The following COL9A1 variants were observed in gnomAD, a reference collection of about 807,000 sequenced individuals.
COL9A1 encodes collagen type IX alpha 1 chain.
In COL9A1, 104 loss-of-function variants were observed where a neutral mutation model predicts 142.6. The observed-to-expected ratio is 0.73, with a 90% CI of 0.62 to 0.86. COL9A1 has a LOEUF of 0.86. Among genes scored for constraint, COL9A1 ranks in the 40% least tolerant of loss-of-function variants. The pLI is 0.00. For missense variants in COL9A1, 1,210 were observed against 1,176.6 expected (o/e 1.03, Z -0.42); for synonymous variants, 466 against 396.0 (o/e 1.18, Z -2.10).
At chr6:70,255,980 C>T (rs1771263190) in intron 21 of COL9A1, among the ~76,000 whole-genome samples, 1 of 152,192 alleles carries the variant, frequency 6.6e-6, no homozygotes, top group African/African-American at 2.4e-5. Context: ...TAAACATTCT[C>T]CATTATGTAT....
chr6:70,235,435 A>G (rs984675927), intron 33 of COL9A1, among the ~76,000 whole-genome samples: 1 of 152,110 alleles, frequency 6.6e-6, no homozygotes, highest in South Asian at 2.1e-4. Flanking sequence ...CCTGGGCAAC[A>G]TAGTAAGACT....
intron 17 of COL9A1, 88 bp from the exon 18 acceptor site, chr6:70,266,858 G>A (rs1772049406): frequency 1.9e-6 from 2 of 1,050,130 alleles, no homozygotes; most frequent in Non-Finnish European, 3.0e-6. Context: ...CCCTAAATCA[G>A]TGCCAATGTA....
chr6:70,261,275 A>G (rs1462623919), intron 19 of COL9A1, among the ~76,000 whole-genome samples: 1 of 152,034 alleles, frequency 6.6e-6, no homozygotes, highest in Non-Finnish European at 1.5e-5. Flanking sequence ...GGCAATAGGA[A>G]CCCATCTTAG....
At chr6:70,272,198 A>G (rs545212367) in intron 12 of COL9A1, 110 bp from the exon 13 acceptor site, 1 of 851,514 alleles carries the variant, frequency 1.2e-6, no homozygotes, top group Admixed American at 2.5e-5. Flanking sequence ...ACTAAAAATG[A>G]TGCTCATTCT....
chr6:70,232,035 A>C (rs1416012615), intron 36 of COL9A1, among the ~76,000 whole-genome samples: 1 of 151,866 alleles, frequency 6.6e-6, no homozygotes, highest in Non-Finnish European at 1.5e-5. Flanking sequence ...TTACATACTA[A>C]AGAAGGAATT....
At chr6:70,281,300 GAAA>G (rs34962262) in intron 8 of COL9A1, 87 bp downstream of exon 8, 55 of 1,098,582 alleles carry the variant, frequency 5.0e-5, no homozygotes, top group South Asian at 1.1e-4. Context: ...GGTCCTCTCT[GAAA>G]AAAAAAAAAA....
In COL9A1 at chr6:70,260,780, A is replaced by G. The variant is rs1771629658; in HGVS notation, c.1396-70T>C. 11 of 1,454,494 alleles carry G rather than the reference A, an allele frequency of 7.6e-6. No individual in the cohort carries two copies. The East Asian group carries it at 2.6e-4, about 34-fold the overall frequency. 90.1% of individuals were successfully genotyped at this position (1,454,494 alleles called of 1,614,324 possible). ...AGATTTTTAAAAATCTCATCACAAA[A>G]GCTGATCTAGACAATGGATATTATC... On this transcript the variant is annotated intron_variant, in intron 19 of 37. Transcript: ENST00000357250.
Position 70,281,054 on chromosome 6 carries a change from G to T in COL9A1, c.877-15C>A, listed in dbSNP as rs1423590076. 1 of 1,603,398 alleles carries T rather than the reference G, an allele frequency of 6.2e-7. No individual in the cohort carries two copies. Among genetic ancestry groups the T allele is most frequent in the East Asian group, 2.2e-5 (1 of 44,796 alleles). On this transcript the variant is annotated splice_polypyrimidine_tract_variant and intron_variant, in intron 8 of 37. Coordinates refer to ENST00000357250, the MANE Select transcript of COL9A1 (RefSeq NM_001851.6). ...CCTCGGTCACCCTGGAGGGGTAGGA[G>T]AAAAAGAGAGAGCAGTCTATGAGCG...
intron 5 of COL9A1, among the ~76,000 whole-genome samples, chr6:70,293,630 TTCACA>T (rs1773734222): frequency 0.011 from 834 of 74,210 alleles, 10 homozygotes; most frequent in African/African-American, 0.04. Context: ...CTCTCTCTCT[TTCACA>T]CACACACACA....
intron 10 of COL9A1, chr6:70,279,797 A>G: frequency 2.2e-6 from 1 of 451,566 alleles, no homozygotes. Context: ...TTTTCTTTCA[A>G]AATGAAGGAT....
intron 5 of COL9A1, among the ~76,000 whole-genome samples, chr6:70,288,687 G>C (rs908219244): frequency 1.1e-4 from 17 of 152,048 alleles, no homozygotes; most frequent in African/African-American, 4.1e-4. Context: ...TCCACTCACT[G>C]TTCTCTTTTC....
chr6:70,258,915 A>C (rs1771499646), intron 20 of COL9A1, among the ~76,000 whole-genome samples: 1 of 152,208 alleles, frequency 6.6e-6, no homozygotes, highest in African/African-American at 2.4e-5. Context: ...TAAATCCAGA[A>C]AAAAATGAAG....
intron 37 of COL9A1, among the ~76,000 whole-genome samples, chr6:70,218,334 T>C (rs1319524811): frequency 6.6e-6 from 1 of 152,206 alleles, no homozygotes; most frequent in African/African-American, 2.4e-5. Context: ...TGGGGGACAT[T>C]TCTTGCTTGT....
intron 35 of COL9A1, 33 bp from the exon 36 acceptor site, chr6:70,232,804 G>A (rs1769639755): frequency 1.9e-6 from 3 of 1,577,886 alleles, no homozygotes; most frequent in East Asian, 2.3e-5. Flanking sequence ...ACCCAGAAGT[G>A]TCAGAAACAT....
At chr6:70,231,465 T>C (rs1769537880) in intron 36 of COL9A1, among the ~76,000 whole-genome samples, 1 of 152,162 alleles carries the variant, frequency 6.6e-6, no homozygotes, top group Non-Finnish European at 1.5e-5. Context: ...CTGTACTCTA[T>C]TTGATTTTGT....
At chr6:70,271,302 A>G (rs770968309) in intron 14 of COL9A1, among the ~76,000 whole-genome samples, 1 of 152,232 alleles carries the variant, frequency 6.6e-6, no homozygotes, top group Non-Finnish European at 1.5e-5. Context: ...TAACATAAAT[A>G]CACATGGTAA....
intron 1 of COL9A1, among the ~76,000 whole-genome samples, 182 bp downstream of exon 1, chr6:70,302,729 G>A (rs1583359853): frequency 1.3e-5 from 2 of 151,452 alleles, no homozygotes; most frequent in South Asian, 2.1e-4. Context: ...TCGGTTTTTT[G>A]TGTCTGTCTT....
rs966253762 is a variant in COL9A1, at chr6:70,234,584, G to A, written c.2269C>T (p.Pro757Ser). 1.9e-6 allele frequency: 3 copies of A among 1,614,030 alleles called. No homozygotes were observed. Among genetic ancestry groups the A allele is most frequent in the Middle Eastern group, 1.6e-4 (1 of 6,082 alleles). The change falls in exon 35 of 38, where the codon CCG becomes TCG. Residue 757 changes from proline to serine, a missense_variant. Pro to Ser is a moderately conservative substitution (Grantham distance 74). Transcript: ENST00000357250. ...ACCTGCTTAATGTGCTGATCTGTCG[G>A]TGCTCTACCCTGGGACAGAAAAGAA... The part of the protein sequence containing the change: ...PGVQGPPGRA[P>S]TDQHIKQVCM...
intron 20 of COL9A1, chr6:70,258,450 A>C (rs1205658854): frequency 6.6e-6 from 1 of 152,242 alleles, no homozygotes; most frequent in African/African-American, 2.4e-5. Flanking sequence ...CATAGGTAGA[A>C]TCAAAGAAGG....
Sources: allele counts gnomAD v4.1 joint callset (sites outside exome capture counted in the v4.1 genomes callset), GRCh38; gene constraint gnomAD v4.1.1; transcripts MANE v1.5; gene names NCBI Gene and HGNC (gene_info 2026-07-23, HGNC 2026-07-21).